AIG1: variants seen among roughly 807,000 people sequenced by gnomAD.
AIG1 encodes the protein androgen induced 1, also known as androgen-induced gene 1 protein.
Under a neutral mutation model 31.4 loss-of-function variants are expected in AIG1, and 23 were observed. The ratio of observed to expected loss-of-function variants is 0.73; its 90% CI spans 0.53 to 1.04. The LOEUF (loss-of-function observed/expected upper bound fraction) is 1.04, where lower values mean the gene tolerates loss of function less well. AIG1 is among the 50% of genes least tolerant of loss of function. The pLI, the probability that AIG1 is intolerant of heterozygous loss-of-function variation, is 0.00. For missense variants in AIG1, 274 were observed against 295.0 expected, an observed-to-expected ratio of 0.93 and a Z score of 0.52; for synonymous variants, 100 against 110.5, an observed-to-expected ratio of 0.90 and a Z score of 0.60.
At chr6:143,148,091 C>T (rs1252736939) in intron 2 of AIG1, among the ~76,000 whole-genome samples, 1 of 152,132 alleles carries the variant, frequency 6.6e-6, no homozygotes, top group Non-Finnish European at 1.5e-5. Flanking sequence ...AGGCTTTGAA[C>T]CCTAACACTC....
At chr6:143,271,849 G>C (rs953336132) in intron 3 of AIG1, among the ~76,000 whole-genome samples, 1 of 124,476 alleles carries the variant, frequency 8.0e-6, no homozygotes, top group Non-Finnish European at 1.6e-5. Context: ...CTTTCAGTTT[G>C]CTTATAAATT....
chr6:143,150,742 A>T (rs1026995293), intron 2 of AIG1, among the ~76,000 whole-genome samples: 1 of 152,132 alleles, frequency 6.6e-6, no homozygotes, highest in Non-Finnish European at 1.5e-5. Flanking sequence ...GGGGGAAAAA[A>T]ATCACCCACA....
rs1776707860 is a variant in AIG1 at position 143,327,515 on chromosome 6, G to A, written c.516-5767G>A. The stretch of plus-strand genomic sequence containing the variant: ...TGTCTGGGCCAAAGGAATAAGGAAT[G>A]TCCCATACTGTAACCATGTGTGGTT... On this transcript the variant is annotated intron_variant, in intron 4 of 5. Coordinates refer to ENST00000357847, the MANE Select transcript of AIG1 (RefSeq NM_016108.4). The surrounding 1 kb of genome is among the most constrained non-coding windows in gnomAD (Gnocchi z 5.3). 5.2e-6 allele frequency: 2 copies of A among 387,908 alleles called. No individual in the cohort carries two copies. Among genetic ancestry groups the A allele is most frequent in the Non-Finnish European group, 9.7e-6 (2 of 205,366 alleles). The allele number at this position is 387,908 out of a possible 1,614,324, so 24.0% of individuals were successfully genotyped here.
intron 3 of AIG1, among the ~76,000 whole-genome samples, chr6:143,252,688 C>T (rs998379296): frequency 6.6e-6 from 1 of 152,260 alleles, no homozygotes; most frequent in South Asian, 2.1e-4. Context: ...CTGTTTTGCC[C>T]CATAACAAAT....
At chr6:143,251,620 T>C (rs770065258) in intron 3 of AIG1, among the ~76,000 whole-genome samples, 1 of 152,154 alleles carries the variant, frequency 6.6e-6, no homozygotes, top group Non-Finnish European at 1.5e-5. Context: ...ATAATACCTA[T>C]TTGCTGAATG....
chr6:143,144,400 A>G (rs973364635), intron 2 of AIG1, among the ~76,000 whole-genome samples: 3 of 152,202 alleles, frequency 2.0e-5, no homozygotes, highest in Non-Finnish European at 4.4e-5. Context: ...TTTATAAGCT[A>G]TATCAATAAG....
intron 2 of AIG1, among the ~76,000 whole-genome samples, chr6:143,139,617 C>T (rs1488189465): frequency 6.6e-6 from 1 of 151,888 alleles, no homozygotes; most frequent in Non-Finnish European, 1.5e-5. Context: ...AGTTACTAGT[C>T]TATTATTTTC....
At chr6:143,267,324 C>T (rs374114923) in intron 3 of AIG1, among the ~76,000 whole-genome samples, 12 of 152,178 alleles carry the variant, frequency 7.9e-5, no homozygotes, top group African/African-American at 2.9e-4. Flanking sequence ...TTCTTTATTC[C>T]TTGATCATAT....
At chr6:143,074,637 T>G (rs1221525314) in intron 1 of AIG1, among the ~76,000 whole-genome samples, 1 of 152,216 alleles carries the variant, frequency 6.6e-6, no homozygotes, top group Non-Finnish European at 1.5e-5. Flanking sequence ...TTGATTACCA[T>G]AGCTTTGTAG....
intron 3 of AIG1, among the ~76,000 whole-genome samples, chr6:143,166,064 A>C (rs1306255366): frequency 6.6e-6 from 1 of 152,194 alleles, no homozygotes; most frequent in South Asian, 2.1e-4. Context: ...TCTTGAGTAC[A>C]AAATAACAGT....
intron 4 of AIG1, among the ~76,000 whole-genome samples, chr6:143,308,387 A>T (rs965383288): frequency 6.6e-6 from 1 of 152,216 alleles, no homozygotes; most frequent in Non-Finnish European, 1.5e-5. Context: ...AGGTATAAGG[A>T]TAACATTGAG....
rs572057434 is a variant in AIG1, at chr6:143,307,872, C to T, written c.515+23647C>T. Among the ~76,000 whole-genome samples the T allele has an allele frequency of 2.1e-4, 32 of 152,362 alleles. No individual in the cohort carries two copies. In the East Asian group the frequency reaches 5.4e-3, roughly 26 times the overall value. ...GGTGGGCTCCACCCAGTTCAAGCTT[C>T]CCAGCTGCTTTGTTTACCTAAGCAA... On this transcript the variant is annotated intron_variant, in intron 4 of 5. Coordinates refer to ENST00000357847, the MANE Select transcript of AIG1 (RefSeq NM_016108.4).
intron 2 of AIG1, among the ~76,000 whole-genome samples, chr6:143,162,364 C>T (rs1786465023): frequency 6.6e-6 from 1 of 152,166 alleles, no homozygotes; most frequent in African/African-American, 2.4e-5. Flanking sequence ...CATGAGAATT[C>T]TAGCAGGATA....
At chr6:143,185,442 C>T (rs1249636131) in intron 3 of AIG1, among the ~76,000 whole-genome samples, 2 of 152,256 alleles carry the variant, frequency 1.3e-5, no homozygotes, top group East Asian at 1.9e-4. Context: ...CTGCACACTG[C>T]GCTCCTGAGC....
Position 143,268,997 on chromosome 6 carries a change from A to G in AIG1, c.400-15113A>G, listed in dbSNP as rs1235734073. Among the ~76,000 whole-genome samples, 1 of 152,102 alleles carries G rather than the reference A, an allele frequency of 6.6e-6. No homozygotes were observed. The highest frequency in any genetic ancestry group is 2.4e-5 in the African/African-American group (1 of 41,402). On this transcript the variant is annotated intron_variant, in intron 3 of 5. Coordinates refer to ENST00000357847, the MANE Select transcript of AIG1 (RefSeq NM_016108.4). The surrounding 1 kb of genome is among the most constrained non-coding windows in gnomAD (Gnocchi z 5.0). ...TGACCCACTTCCTCTATTAGGGGCA[A>G]CTCTGAAGGGCAGGGCCTTCACAGC...
chr6:143,332,644 A>G (rs1777171679), intron 4 of AIG1, among the ~76,000 whole-genome samples: 1 of 152,240 alleles, frequency 6.6e-6, no homozygotes, highest in South Asian at 2.1e-4. Context: ...GGTATCTGGC[A>G]CAGACTCACC....
rs1197724493 is a variant in AIG1 at position 143,331,682 on chromosome 6, A to T, written c.516-1600A>T. Among the ~76,000 whole-genome samples the T allele has an allele frequency of 6.6e-6, 1 of 151,266 alleles. No individual in the cohort carries two copies. The highest frequency in any genetic ancestry group is 1.5e-5 in the Non-Finnish European group (1 of 67,830). Reference sequence around the variant, plus strand: ...TGTGTGTATATGTGTGTGTGTGTGTATCTGTGCTTTCTACATAAAAAGTGC... The same window carrying T: ...TGTGTGTATATGTGTGTGTGTGTGTTTCTGTGCTTTCTACATAAAAAGTGC... On this transcript the variant is annotated intron_variant, in intron 4 of 5. Coordinates refer to ENST00000357847, the MANE Select transcript of AIG1 (RefSeq NM_016108.4). The surrounding 1 kb of genome is among the most constrained non-coding windows in gnomAD (Gnocchi z 4.1).
chr6:143,223,022 T>C (rs1792657154), intron 3 of AIG1, among the ~76,000 whole-genome samples: 1 of 152,214 alleles, frequency 6.6e-6, no homozygotes, highest in Non-Finnish European at 1.5e-5. Context: ...GGCAAAAAGC[T>C]GGACCTCTGT....
chr6:143,079,864 G>T (rs775589902), intron 1 of AIG1, among the ~76,000 whole-genome samples: 1 of 150,954 alleles, frequency 6.6e-6, no homozygotes, highest in South Asian at 2.1e-4. Flanking sequence ...GACCCAAAGG[G>T]GGTTGCCACT....
Sources: allele counts gnomAD v4.1 joint callset (sites outside exome capture counted in the v4.1 genomes callset), GRCh38; gene constraint gnomAD v4.1.1; non-coding constraint Gnocchi (gnomAD v3.1); transcripts MANE v1.5; gene names NCBI Gene and HGNC (gene_info 2026-07-23, HGNC 2026-07-21).